NR6A1: variants seen among roughly 807,000 people sequenced by gnomAD.
NR6A1 encodes the protein nuclear receptor subfamily 6 group A member 1, also known as retinoic acid receptor-related testis-associated receptor.
In NR6A1, 7 loss-of-function variants were observed where a neutral mutation model predicts 59.1. That is an observed-to-expected ratio of 0.12 (90% CI 0.07 to 0.22). The LOEUF is 0.22. NR6A1 is among the 10% of genes least tolerant of loss of function. NR6A1 has a pLI of 1.00. For missense variants in NR6A1, 468 were observed against 611.6 expected (o/e 0.77, Z 2.48); for synonymous variants, 243 against 236.1 (o/e 1.03, Z -0.27).
intron 2 of NR6A1, among the ~76,000 whole-genome samples, chr9:124,616,515 T>G (rs1225657686): frequency 1.3e-5 from 2 of 151,310 alleles, no homozygotes; most frequent in Admixed American, 6.6e-5. Flanking sequence ...AAGCATAACA[T>G]GAAATCCAGA....
At chr9:124,604,603 G>A (rs1205889774) in intron 2 of NR6A1, among the ~76,000 whole-genome samples, 1 of 152,168 alleles carries the variant, frequency 6.6e-6, no homozygotes, top group Non-Finnish European at 1.5e-5. Flanking sequence ...GAGTCCAGGA[G>A]TTCAAGACCA....
chr9:124,636,394 CAGAAG>C (rs988934327), intron 2 of NR6A1, among the ~76,000 whole-genome samples: 20 of 152,008 alleles, frequency 1.3e-4, no homozygotes, highest in African/African-American at 4.3e-4. Flanking sequence ...GTGTTTTTAA[CAGAAG>C]AGAAGTTTTA....
chr9:124,680,797 T>G (rs572262606), intron 2 of NR6A1, among the ~76,000 whole-genome samples: 1 of 152,366 alleles, frequency 6.6e-6, no homozygotes, highest in East Asian at 1.9e-4. Flanking sequence ...CCTGGGAGTC[T>G]GAAAAGTCAA....
At chr9:124,704,350 A>G (rs1238607121) in intron 2 of NR6A1, among the ~76,000 whole-genome samples, 3 of 151,972 alleles carry the variant, frequency 2.0e-5, no homozygotes, top group Non-Finnish European at 4.4e-5. Flanking sequence ...TGTGCTTTCC[A>G]TTTCGTTGTT....
At chr9:124,602,101 G>A (rs551485588) in intron 2 of NR6A1, among the ~76,000 whole-genome samples, 3 of 152,264 alleles carry the variant, frequency 2.0e-5, no homozygotes, top group South Asian at 2.1e-4. Flanking sequence ...TCCTACCTGC[G>A]AACTGAGGAA....
At chr9:124,711,574 T>G (rs1008557163) in intron 2 of NR6A1, among the ~76,000 whole-genome samples, 1 of 152,214 alleles carries the variant, frequency 6.6e-6, no homozygotes, top group Non-Finnish European at 1.5e-5. Context: ...GATTTCTTCT[T>G]TTTATCATTA....
At chr9:124,613,622 C>T (rs1157719272) in intron 2 of NR6A1, among the ~76,000 whole-genome samples, 1 of 152,142 alleles carries the variant, frequency 6.6e-6, no homozygotes, top group Non-Finnish European at 1.5e-5. Flanking sequence ...GAGCAAGCCA[C>T]TTTCACTCCA....
At chr9:124,523,263 G>A (rs1019498871) in intron 9 of NR6A1, among the ~76,000 whole-genome samples, 12 of 152,108 alleles carry the variant, frequency 7.9e-5, no homozygotes, top group Admixed American at 7.9e-4. Context: ...AAAGTACTAG[G>A]GGAAAAAGAA....
At chr9:124,716,139 AGGCTGCAGTG>A (rs1282491196) in intron 2 of NR6A1, among the ~76,000 whole-genome samples, 3 of 152,162 alleles carry the variant, frequency 2.0e-5, no homozygotes, top group Admixed American at 6.5e-5. Flanking sequence ...CAGGAAGAGG[AGGCTGCAGTG>A]GGCCATGGTC....
intron 9 of NR6A1, 127 bp downstream of exon 9, chr9:124,524,584 TGAGGGCAAGG>T: frequency 1.1e-6 from 1 of 928,580 alleles, no homozygotes; most frequent in Admixed American, 3.0e-5. Context: ...AGACCTTTTT[TGAGGGCAAGG>T]GTGAGAACTC....
chr9:124,763,278 G>A (rs535857566), intron 1 of NR6A1, among the ~76,000 whole-genome samples: 3 of 152,318 alleles, frequency 2.0e-5, no homozygotes, highest in South Asian at 2.1e-4. Context: ...ACAAGTGCAT[G>A]GAAGTGAAGA....
At chr9:124,725,296 AG>A (rs1564255329) in intron 2 of NR6A1, among the ~76,000 whole-genome samples, 1 of 152,140 alleles carries the variant, frequency 6.6e-6, no homozygotes, top group African/African-American at 2.4e-5. Flanking sequence ...ATTGGACTCC[AG>A]GAAGTCCAGG....
chr9:124,623,349 A>G (rs553972558), intron 2 of NR6A1, among the ~76,000 whole-genome samples: 13 of 151,512 alleles, frequency 8.6e-5, no homozygotes, highest in African/African-American at 3.1e-4. Flanking sequence ...CATGAGTCCA[A>G]TTATTATTAT....
At position 124,653,538 on chromosome 9, in the gene NR6A1, G is replaced by C. The variant is rs116973575; in HGVS notation, c.142+79770C>G. ...TGACCCTCTCTCCTCACCCTCACAA[G>C]TAACTAGAACTACAGGCACATATCA... On this transcript the variant is annotated intron_variant, in intron 2 of 9. Transcript: ENST00000487099. 2.6e-5 allele frequency among the ~76,000 whole-genome samples: 4 copies of C among 152,208 alleles called. No individual in the cohort carries two copies. In the East Asian group the frequency reaches 7.7e-4, roughly 29 times the overall value.
intron 7 of NR6A1, among the ~76,000 whole-genome samples, chr9:124,534,514 A>C (rs1161660925): frequency 1.3e-5 from 2 of 152,242 alleles, no homozygotes; most frequent in African/African-American, 4.8e-5. Flanking sequence ...GACAGGCCCC[A>C]GAACAGCAGG....
At chr9:124,693,062 C>G (rs1838613627) in intron 2 of NR6A1, among the ~76,000 whole-genome samples, 1 of 152,120 alleles carries the variant, frequency 6.6e-6, no homozygotes, top group South Asian at 2.1e-4. Flanking sequence ...TGAGCTATTG[C>G]CTTACTAGTG....
At chr9:124,683,015 A>C (rs1425812333) in intron 2 of NR6A1, among the ~76,000 whole-genome samples, 4 of 151,978 alleles carry the variant, frequency 2.6e-5, no homozygotes, top group Admixed American at 2.6e-4. Context: ...AGACCAGCCT[A>C]GGCAACACAA....
At chr9:124,659,907 G>A (rs1837376750) in intron 2 of NR6A1, among the ~76,000 whole-genome samples, 1 of 152,130 alleles carries the variant, frequency 6.6e-6, no homozygotes, top group Non-Finnish European at 1.5e-5. Flanking sequence ...AAGCAGACTT[G>A]TTTTATTTGG....
At chr9:124,645,962 A>G (rs148144461) in intron 2 of NR6A1, among the ~76,000 whole-genome samples, 1 of 152,368 alleles carries the variant, frequency 6.6e-6, no homozygotes, top group African/African-American at 2.4e-5. Context: ...GCATAACAGA[A>G]AGATATCTGG....
Sources: gnomAD v4.1 joint callset for allele counts (sites outside exome capture counted in the v4.1 genomes callset) on GRCh38, gnomAD v4.1.1 for gene constraint, MANE v1.5 for transcripts, NCBI Gene and HGNC (gene_info 2026-07-23, HGNC 2026-07-21) for gene names.